Variants in HMGXB3 observed in about 807,000 individuals in gnomAD.
HMGXB3 encodes the protein HMG domain-containing protein 3.
A neutral mutation model predicts 121.5 loss-of-function variants in HMGXB3; 45 were observed. The observed-to-expected ratio is 0.37, with a 90% CI of 0.29 to 0.47. The LOEUF (loss-of-function observed/expected upper bound fraction) is 0.47, where lower values mean the gene tolerates loss of function less well. HMGXB3 is among the 20% of genes least tolerant of loss of function. The probability of loss-of-function intolerance (pLI) is 0.99; values close to 1 mark genes in which losing one functional copy is unlikely to be tolerated. For synonymous variants in HMGXB3, 590 were observed against 624.1 expected (o/e 0.95, Z 0.81); for missense variants, 1,376 against 1,602.2 (o/e 0.86, Z 2.41).
chr5:150,011,312 C>T (rs1189480309), intron 4 of HMGXB3, among the ~76,000 whole-genome samples: 1 of 152,182 alleles, frequency 6.6e-6, no homozygotes, highest in East Asian at 1.9e-4. Context: ...TTTAGTGATC[C>T]CAACAACCTC....
At chr5:150,030,337 A>G (rs143162442) in intron 9 of HMGXB3, 1 of 157,238 alleles carries the variant, frequency 6.4e-6, no homozygotes, top group East Asian at 1.9e-4. Context: ...TTTTGTAGAT[A>G]GTGGTAAAGA....
chr5:150,046,573 G>A (rs1471877988), intron 16 of HMGXB3, among the ~76,000 whole-genome samples: 1 of 152,110 alleles, frequency 6.6e-6, no homozygotes, highest in Non-Finnish European at 1.5e-5. Context: ...AGCACTTTGG[G>A]AGGCCCAGGC....
chr5:150,014,510 C>G (rs1755918229), intron 5 of HMGXB3, among the ~76,000 whole-genome samples: 1 of 152,168 alleles, frequency 6.6e-6, no homozygotes, highest in South Asian at 2.1e-4. Flanking sequence ...TGTAGTTATT[C>G]CTTTTGAGGA....
chr5:150,025,715 G>A (rs1204759423), intron 7 of HMGXB3, among the ~76,000 whole-genome samples: 2 of 151,388 alleles, frequency 1.3e-5, no homozygotes, highest in Admixed American at 1.3e-4. Flanking sequence ...CTACAGGCAC[G>A]CACTACCACA....
Position 150,025,008 on chromosome 5 carries a change from T to G in HMGXB3, c.1460+328T>G, listed in dbSNP as rs150139914. ...CTGGATTTGGAAAGAGAATCTTTAT[T>G]AAAGCATCCTGTAGAAAGAGTTCTG... On this transcript the variant is annotated intron_variant, in intron 7 of 19. Transcript: ENST00000502717. Among the ~76,000 whole-genome samples the G allele has an allele frequency of 1.9e-3, 286 of 152,332 alleles. 1 individual carries two copies. The highest frequency in any genetic ancestry group is 5.2e-3 in the African/African-American group (217 of 41,572).
In HMGXB3 at chr5:150,050,294, C is replaced by T. The variant is rs888154914; in HGVS notation, c.3244C>T (p.Arg1082Cys). Residue 1082 changes from arginine (R) to cysteine (C), a missense_variant, in exon 19 of 20, where the codon CGT (arginine) becomes TGT (cysteine). Physicochemically the swap from Arg to Cys is radical, Grantham distance 180 (BLOSUM62 -3). Around this residue, in one of 2 missense-constraint regions of HMGXB3, gnomAD observed 1,116 missense variants for 1,369.0 expected, o/e 0.82. Coordinates refer to ENST00000502717, the MANE Select transcript of HMGXB3 (RefSeq NM_014983.3). ...SKYLVRGESA[R>C]DHVDLLASSR... ...GTATCTTGTGCGAGGTGAGAGTGCC[C>T]GTGACCATGTGGACCTGCTTGCCTC... The T allele has an allele frequency of 1.3e-6, 2 of 1,551,792 alleles. No individual in the cohort carries two copies. The highest frequency in any genetic ancestry group is 8.7e-7 in the Non-Finnish European group (1 of 1,146,990).
In HMGXB3 at chr5:150,024,580, C is replaced by G. The variant is rs887523148; in HGVS notation, c.1360C>G (p.Leu454Val). The part of the protein sequence containing the change: ...VKSGVQPEVT[L>V]GTTDNDSPGA... ...AAGTGGTGTGCAGCCTGAGGTCACTCTGGGGACAACTGACAATGACAGTCC... is the reference window on the plus strand; with the variant it reads ...AAGTGGTGTGCAGCCTGAGGTCACTGTGGGGACAACTGACAATGACAGTCC... Residue 454 changes from leucine to valine, a missense_variant, in exon 7 of 20, where the codon CTG becomes GTG. By Grantham distance (32) the Leu-to-Val change is conservative (BLOSUM62 1). This residue lies in a region of HMGXB3 where 1,116 missense variants were observed against 1,369.0 expected (regional missense o/e 0.82). Coordinates refer to ENST00000502717, the MANE Select transcript of HMGXB3 (RefSeq NM_014983.3). 7 of 1,551,726 alleles carry G rather than the reference C, an allele frequency of 4.5e-6. No homozygotes were observed. Among genetic ancestry groups the G allele is most frequent in the South Asian group, 1.2e-5 (1 of 84,054 alleles).
chr5:150,005,715 C>A (rs1341836353), intron 2 of HMGXB3, among the ~76,000 whole-genome samples: 1 of 152,008 alleles, frequency 6.6e-6, no homozygotes, highest in Non-Finnish European at 1.5e-5. Flanking sequence ...ACTGTGAATA[C>A]CTCAAACTTG....
chr5:150,034,279 C>T (rs1561875495), intron 11 of HMGXB3, among the ~76,000 whole-genome samples: 1 of 152,092 alleles, frequency 6.6e-6, no homozygotes, highest in Non-Finnish European at 1.5e-5. Context: ...TTCTTAACTC[C>T]CTATGAGACC....
intron 1 of HMGXB3, among the ~76,000 whole-genome samples, chr5:150,003,748 G>A (rs75514134): frequency 0.023 from 3,426 of 151,904 alleles, 137 homozygotes; most frequent in African/African-American, 0.077. Flanking sequence ...CAGATCGCCC[G>A]AGTCCAGGAT....
chr5:150,009,595 G>A (rs1439029788), intron 3 of HMGXB3, among the ~76,000 whole-genome samples: 1 of 152,106 alleles, frequency 6.6e-6, no homozygotes, highest in African/African-American at 2.4e-5. Flanking sequence ...GCTGCCTTGA[G>A]TTTCATCTTA....
chr5:150,009,588 G>T (rs1315505570), intron 3 of HMGXB3, among the ~76,000 whole-genome samples: 1 of 152,174 alleles, frequency 6.6e-6, no homozygotes, highest in East Asian at 1.9e-4. Context: ...CTTACTTGCT[G>T]CCTTGAGTTT....
chr5:150,048,297 C>T (rs1215445333), intron 17 of HMGXB3, among the ~76,000 whole-genome samples: 1 of 152,200 alleles, frequency 6.6e-6, no homozygotes, highest in Non-Finnish European at 1.5e-5. Flanking sequence ...TTGATGGTTT[C>T]TTTGCCCTGT....
At chr5:150,013,691 G>A (rs957844999) in intron 5 of HMGXB3, among the ~76,000 whole-genome samples, 5 of 152,194 alleles carry the variant, frequency 3.3e-5, no homozygotes, top group African/African-American at 1.2e-4. Flanking sequence ...TTAAAAATAT[G>A]TATAGGACTA....
chr5:150,038,172 C>G (rs1756542254), intron 13 of HMGXB3, among the ~76,000 whole-genome samples: 1 of 152,182 alleles, frequency 6.6e-6, no homozygotes, highest in South Asian at 2.1e-4. Context: ...CAACATCAGG[C>G]ATTTGTGGAA....
At chr5:150,018,834 T>A in intron 6 of HMGXB3, 137 bp downstream of exon 6, 1 of 820,344 alleles carries the variant, frequency 1.2e-6, no homozygotes, top group Non-Finnish European at 1.8e-6. Flanking sequence ...TTCCATTGTA[T>A]ATAGTTTGTT....
intron 1 of HMGXB3, among the ~76,000 whole-genome samples, chr5:150,003,350 C>T (rs931512841): frequency 1.3e-5 from 2 of 151,992 alleles, no homozygotes; most frequent in Admixed American, 1.3e-4. Context: ...TGAAAGAAGG[C>T]CCAGGGAGTT....
chr5:150,050,811 CTGTT>C (rs1325422766), intron 19 of HMGXB3, among the ~76,000 whole-genome samples: 1 of 152,228 alleles, frequency 6.6e-6, no homozygotes, highest in African/African-American at 2.4e-5. Flanking sequence ...ACCAAGCCCT[CTGTT>C]TGAGGCCACA....
intron 14 of HMGXB3, 40 bp downstream of exon 14, chr5:150,040,919 A>G (rs1345353062): frequency 1.3e-6 from 2 of 1,489,218 alleles, no homozygotes; most frequent in Non-Finnish European, 8.9e-7. Context: ...GTTAGTCCTA[A>G]GCTCCCTCGG....
Sources: gnomAD v4.1 joint callset for allele counts (sites outside exome capture counted in the v4.1 genomes callset) on GRCh38, gnomAD v4.1.1 for gene constraint, gnomAD v4.1.1 regional missense constraint, MANE v1.5 for transcripts, NCBI Gene and HGNC (gene_info 2026-07-23, HGNC 2026-07-21) for gene names.